The following LTBP1 variants were observed in gnomAD, a reference collection of about 807,000 sequenced individuals.
LTBP1 encodes latent transforming growth factor beta binding protein 1, also known as latent-transforming growth factor beta-binding protein 1.
LTBP1 carries 129 observed loss-of-function variants against 207.6 expected under a neutral mutation model. The ratio of observed to expected loss-of-function variants is 0.62; its 90% CI spans 0.54 to 0.72. The LOEUF (loss-of-function observed/expected upper bound fraction) is 0.72. LTBP1 is among the 30% of genes least tolerant of loss of function. The pLI, the probability that LTBP1 is intolerant of heterozygous loss-of-function variation, is 0.00. For missense variants in LTBP1, 2,281 were observed against 2,217.2 expected, an observed-to-expected ratio of 1.03 and a Z score of -0.58; for synonymous variants, 963 against 833.7, an observed-to-expected ratio of 1.16 and a Z score of -2.67.
rs184626534 is a variant in LTBP1 at position 33,243,595 on chromosome 2, A to G, written c.1877-67A>G. The G allele has an allele frequency of 4.5e-5, 67 of 1,499,832 alleles. No individual in the cohort carries two copies. The African/African-American group carries it at 7.8e-4, about 17-fold the overall frequency. The allele number at this position is 1,499,832 out of a possible 1,614,324, so 92.9% of individuals were successfully genotyped here. A position where few individuals can be genotyped will look rare whatever the true frequency, so the allele number is the denominator to read the frequency against. On this transcript the variant is annotated intron_variant, in intron 9 of 33. Coordinates refer to ENST00000404816, the MANE Select transcript of LTBP1 (RefSeq NM_206943.4). ...CTATAGTGAAAAAGGAAGTGAATGC[A>G]ATGTATAGCCAGAATCTGCTCAATG...
intron 33 of LTBP1, among the ~76,000 whole-genome samples, chr2:33,397,674 A>ATTT (rs71409616): frequency 8.5e-6 from 1 of 117,498 alleles, no homozygotes; most frequent in African/African-American, 3.2e-5. Context: ...CACCCGGCTA[A>ATTT]TTTTTTTTTT....
intron 30 of LTBP1, 148 bp from the exon 31 acceptor site, chr2:33,365,185 A>G: frequency 1.5e-6 from 1 of 666,816 alleles, no homozygotes; most frequent in Non-Finnish European, 2.6e-6. Flanking sequence ...GAATTGATCC[A>G]TTGAAAGACC....
At chr2:33,341,407 A>G (rs139025839) in intron 24 of LTBP1, among the ~76,000 whole-genome samples, 153 of 151,948 alleles carry the variant, frequency 1.0e-3, no homozygotes, top group African/African-American at 3.6e-3. Context: ...GAGTTGAGAA[A>G]ATAAGTTTAA....
Position 33,110,599 on chromosome 2 carries a change from C to T in LTBP1, c.881C>T (p.Ser294Phe), listed in dbSNP as rs546103699. 1 of 1,613,516 alleles carries T rather than the reference C, an allele frequency of 6.2e-7. No homozygotes were observed. The highest frequency in any genetic ancestry group is 1.3e-5 in the African/African-American group (1 of 75,020). The change falls in exon 4 of 34, where the codon TCC becomes TTC. Residue 294 changes from serine to phenylalanine, a missense_variant. By Grantham distance (155) the Ser-to-Phe change is radical. Coordinates refer to ENST00000404816, the MANE Select transcript of LTBP1 (RefSeq NM_206943.4). ...CTTCCCAGAGTGACTCCTCTTTCTT[C>T]CCAGAGTGTGGTGATTCACCATGGC... is the stretch of plus-strand genomic sequence containing the variant. ...QIHSQVTPLS[S>F]QSVVIHHGQT...
chr2:33,144,455 C>G (rs1329781562), intron 5 of LTBP1, among the ~76,000 whole-genome samples: 2 of 152,108 alleles, frequency 1.3e-5, no homozygotes, highest in Non-Finnish European at 2.9e-5. Flanking sequence ...TTGCATGTTG[C>G]CAAGCCTTCT....
chr2:33,165,098 A>G (rs192331723), intron 5 of LTBP1, among the ~76,000 whole-genome samples: 2 of 152,356 alleles, frequency 1.3e-5, no homozygotes, highest in Non-Finnish European at 2.9e-5. Context: ...CAGATCATTC[A>G]GTTTCATGAT....
chr2:33,392,504 G>C (rs72864113), intron 32 of LTBP1, among the ~76,000 whole-genome samples: 1,655 of 152,234 alleles, frequency 0.011, 33 homozygotes, highest in African/African-American at 0.038. Flanking sequence ...AAATTTGTAG[G>C]CTTTGCAGGT....
chr2:33,162,615 G>A (rs2084565553), intron 5 of LTBP1, among the ~76,000 whole-genome samples: 1 of 152,154 alleles, frequency 6.6e-6, no homozygotes, highest in African/African-American at 2.4e-5. Context: ...TGAGCAGATG[G>A]AAGATCTAAG....
At chr2:33,070,191 C>A (rs1256436276) in intron 3 of LTBP1, among the ~76,000 whole-genome samples, 1 of 152,038 alleles carries the variant, frequency 6.6e-6, no homozygotes, top group African/African-American at 2.4e-5. Context: ...TTCCAGCTGC[C>A]CACAAAAAAA....
intron 2 of LTBP1, among the ~76,000 whole-genome samples, chr2:32,993,271 A>G (rs555743676): frequency 6.6e-6 from 1 of 151,550 alleles, no homozygotes; most frequent in African/African-American, 2.4e-5. Flanking sequence ...GGGCTGGCGT[A>G]AAAGCAAAGA....
At chr2:33,329,317 ATTC>A (rs1337127999) in intron 24 of LTBP1, among the ~76,000 whole-genome samples, 2 of 152,160 alleles carry the variant, frequency 1.3e-5, no homozygotes, top group African/African-American at 4.8e-5. Flanking sequence ...CTGTTATCTA[ATTC>A]TGCATAAGAA....
chr2:33,009,930 A>G (rs907397171), intron 2 of LTBP1, among the ~76,000 whole-genome samples: 1 of 152,252 alleles, frequency 6.6e-6, no homozygotes, highest in African/African-American at 2.4e-5. Flanking sequence ...GGACAAGGCC[A>G]GACATCTAAG....
chr2:33,282,214 T>C (rs1042096473), intron 19 of LTBP1, among the ~76,000 whole-genome samples: 1 of 152,136 alleles, frequency 6.6e-6, no homozygotes, highest in African/African-American at 2.4e-5. Flanking sequence ...GTCCCACATT[T>C]AGCCCCTTGT....
At chr2:32,986,337 G>A (rs570455491) in intron 2 of LTBP1, among the ~76,000 whole-genome samples, 7 of 152,284 alleles carry the variant, frequency 4.6e-5, no homozygotes, top group South Asian at 2.1e-4. Flanking sequence ...GGGAGAGGGC[G>A]TGGTGGACTT....
chr2:33,127,817 G>A (rs2081525094), intron 4 of LTBP1, among the ~76,000 whole-genome samples: 1 of 152,156 alleles, frequency 6.6e-6, no homozygotes, highest in Non-Finnish European at 1.5e-5. Flanking sequence ...TGGAATGTGG[G>A]GAAGAAGAGG....
intron 3 of LTBP1, among the ~76,000 whole-genome samples, chr2:33,081,832 G>A (rs2078427488): frequency 6.6e-6 from 1 of 152,086 alleles, no homozygotes; most frequent in Non-Finnish European, 1.5e-5. Flanking sequence ...CACACCATCT[G>A]ATGGTTTTAT....
At chr2:33,105,280 A>G (rs897447833) in intron 3 of LTBP1, among the ~76,000 whole-genome samples, 2 of 152,218 alleles carry the variant, frequency 1.3e-5, no homozygotes, top group African/African-American at 2.4e-5. Flanking sequence ...TGTTTACACT[A>G]TACCTTAGTC....
At chr2:33,253,881 CTTTTTTTTT>C (rs61042956) in intron 11 of LTBP1, among the ~76,000 whole-genome samples, 3 of 101,682 alleles carry the variant, frequency 3.0e-5, no homozygotes, top group East Asian at 3.3e-4. Flanking sequence ...ATCTGATGCA[CTTTTTTTTT>C]TTTTTTTTTT....
intron 2 of LTBP1, among the ~76,000 whole-genome samples, chr2:32,955,323 C>T (rs936558044): frequency 1.3e-5 from 2 of 152,216 alleles, no homozygotes; most frequent in Non-Finnish European, 2.9e-5. Flanking sequence ...GCAGTTTTTA[C>T]ATCCAGTTTT....
Sources: allele counts gnomAD v4.1 joint callset (sites outside exome capture counted in the v4.1 genomes callset), GRCh38; gene constraint gnomAD v4.1.1; transcripts MANE v1.5; gene names NCBI Gene and HGNC (gene_info 2026-07-23, HGNC 2026-07-21).